CBX1: variants seen among roughly 807,000 people sequenced by gnomAD.
The protein encoded by CBX1 is chromobox 1.
CBX1 carries 10 observed loss-of-function variants against 25.1 expected under a neutral mutation model. That is an observed-to-expected ratio of 0.40 (90% CI 0.25 to 0.68). CBX1 has a LOEUF of 0.68. Among genes scored for constraint, CBX1 ranks in the 30% least tolerant of loss-of-function variants. The pLI is 0.40. For synonymous variants in CBX1, 63 were observed against 79.4 expected, an observed-to-expected ratio of 0.79 and a Z score of 1.10; for missense variants, 106 against 218.5, an observed-to-expected ratio of 0.49 and a Z score of 3.25.
chr17:48,075,976 TA>T, intron 3 of CBX1, 24 bp downstream of exon 3: 2 of 1,519,654 alleles, frequency 1.3e-6, no homozygotes, highest in Non-Finnish European at 1.8e-6. Context: ...TGTGGGCTAG[TA>T]AAAATTCTTA....
In CBX1 at chr17:48,099,180, G is replaced by A. The variant is rs566302479; in HGVS notation, c.-38+2088C>T. ...GCAGTGGTGCAGATCTCGGCTCACTGCAACCTCTGCCTCCCGGGTTCAAGC... is the reference window on the plus strand; with the variant it reads ...GCAGTGGTGCAGATCTCGGCTCACTACAACCTCTGCCTCCCGGGTTCAAGC... On this transcript the variant is annotated intron_variant, in intron 1 of 4. Transcript: ENST00000225603. Among the ~76,000 whole-genome samples, 4 of 151,290 alleles carry A rather than the reference G, an allele frequency of 2.6e-5. No homozygotes were observed. In the South Asian group the frequency reaches 8.4e-4, roughly 32 times the overall value.
chr17:48,083,014 G>C (rs1435334626), intron 1 of CBX1, among the ~76,000 whole-genome samples: 1 of 148,658 alleles, frequency 6.7e-6, no homozygotes, highest in Non-Finnish European at 1.5e-5. Context: ...TTATTGGCAT[G>C]CACCACCATG....
chr17:48,093,258 G>C (rs1223811635), intron 1 of CBX1, among the ~76,000 whole-genome samples: 8 of 147,400 alleles, frequency 5.4e-5, no homozygotes, highest in Non-Finnish European at 1.0e-4. Context: ...CTGGGCAATA[G>C]AGCGAGACTC....
chr17:48,098,519 CAG>C (rs1387081208), intron 1 of CBX1, among the ~76,000 whole-genome samples: 1 of 152,126 alleles, frequency 6.6e-6, no homozygotes, highest in African/African-American at 2.4e-5. Context: ...TTTTTTGAGA[CAG>C]AGTTTCGCTC....
At chr17:48,087,188 CA>C (rs71141963) in intron 1 of CBX1, among the ~76,000 whole-genome samples, 116,363 of 143,840 alleles carry the variant, frequency 0.81, 46,722 homozygotes, top group East Asian at 0.95. Context: ...GACGCCATCT[CA>C]AAAAAAAAAA....
intron 4 of CBX1, among the ~76,000 whole-genome samples, chr17:48,073,839 A>AAAAAAAAAAAAAAAAAAAAAAAAAAAAC (rs2037650108): frequency 6.6e-6 from 1 of 151,394 alleles, no homozygotes; most frequent in Admixed American, 6.6e-5. Flanking sequence ...AAAAAAAAAA[A>AAAAAAAAAAAAAAAAAAAAAAAAAAAAC]AAAAAAGACA....
intron 4 of CBX1, among the ~76,000 whole-genome samples, chr17:48,073,506 T>A (rs1445521295): frequency 6.6e-6 from 1 of 152,184 alleles, no homozygotes; most frequent in Non-Finnish European, 1.5e-5. Flanking sequence ...CTTTGTCTTA[T>A]AATCAAATCC....
Position 48,086,704 on chromosome 17 carries a change from A to G in CBX1, c.-37-9663T>C, listed in dbSNP as rs2063313879. On this transcript the variant is annotated intron_variant, in intron 1 of 4. Coordinates refer to ENST00000225603, the MANE Select transcript of CBX1 (RefSeq NM_001127228.2). The stretch of plus-strand genomic sequence containing the variant: ...AACCCTGTCTCTACTAAAAAATACA[A>G]AAATTAGCTGGGCGTGGTCGTGCAC... Among the ~76,000 whole-genome samples, 2 of 151,980 alleles carry G rather than the reference A, an allele frequency of 1.3e-5. 1 individual carries two copies. The highest frequency in any genetic ancestry group is 4.2e-4 in the South Asian group (2 of 4,818).
rs577945774 is a variant in CBX1, at chr17:48,098,834, T to A, written c.-38+2434A>T. On this transcript the variant is annotated intron_variant, in intron 1 of 4. Coordinates refer to ENST00000225603, the MANE Select transcript of CBX1 (RefSeq NM_001127228.2). ...CACCACTGCAGATAGGATTTTTTTT[T>A]AAAAAAGGGAGGTTTTGCTAGATAA... Among the ~76,000 whole-genome samples the A allele has an allele frequency of 9.3e-4, 142 of 152,156 alleles. 1 individual carries two copies. Among genetic ancestry groups the A allele is most frequent in the East Asian group, 4.4e-3 (23 of 5,188 alleles).
At chr17:48,094,158 G>C (rs1476140263) in intron 1 of CBX1, among the ~76,000 whole-genome samples, 1 of 150,396 alleles carries the variant, frequency 6.6e-6, no homozygotes, top group Non-Finnish European at 1.5e-5. Context: ...GCTTGGTAGG[G>C]CGCAGTGGCT....
chr17:48,100,778 C>T, intron 1 of CBX1: 1 of 985,548 alleles, frequency 1.0e-6, no homozygotes, highest in Non-Finnish European at 1.2e-6. Flanking sequence ...GGGCCCTCTT[C>T]CAATTCACTC....
rs2037613572 is a variant in CBX1 at position 48,070,328 on chromosome 17, A to T, written c.*1107T>A. 6.6e-6 allele frequency: 1 copy of T among 152,642 alleles called. No homozygotes were observed. The highest frequency in any genetic ancestry group is 1.5e-5 in the Non-Finnish European group (1 of 68,040). 9.5% of individuals were successfully genotyped at this position (152,642 alleles called of 1,614,324 possible). Reference sequence around the variant, plus strand: ...AACCACTGCCCAATATGAAAGTTTAATCTTCTCCTGAGACCAAGGCTTTTG... The same window carrying T: ...AACCACTGCCCAATATGAAAGTTTATTCTTCTCCTGAGACCAAGGCTTTTG... On this transcript the variant is annotated 3_prime_UTR_variant, in exon 5 of 5. Transcript: ENST00000225603.
intron 1 of CBX1, among the ~76,000 whole-genome samples, chr17:48,090,101 T>G (rs1266970931): frequency 6.6e-6 from 1 of 151,826 alleles, no homozygotes; most frequent in African/African-American, 2.4e-5. Flanking sequence ...AGATGGAGTT[T>G]CATCATGTTG....
intron 1 of CBX1, among the ~76,000 whole-genome samples, chr17:48,099,216 C>T (rs1214181853): frequency 1.3e-5 from 2 of 152,162 alleles, no homozygotes; most frequent in African/African-American, 2.4e-5. Context: ...GATTCTCCTG[C>T]CTCAGCCTCC....
chr17:48,080,439 C>T (rs545172391), intron 1 of CBX1, among the ~76,000 whole-genome samples: 1 of 152,036 alleles, frequency 6.6e-6, no homozygotes, highest in African/African-American at 2.4e-5. Context: ...CAAAACTGGC[C>T]AAAGAATTAC....
intron 4 of CBX1, 113 bp from the exon 5 acceptor site, chr17:48,071,692 G>A (rs1041967590): frequency 2.3e-6 from 2 of 875,094 alleles, no homozygotes; most frequent in Non-Finnish European, 3.3e-6. Context: ...AATAGGCTAG[G>A]GAACAATGAA....
rs184327787 is a variant in CBX1 at position 48,075,897 on chromosome 17, G to T, written c.318+104C>A. The T allele has an allele frequency of 2.9e-3, 2,415 of 840,606 alleles. 31 individuals are homozygous for T. The highest frequency in any genetic ancestry group is 0.022 in the South Asian group (1,052 of 48,580). 52.1% of individuals were successfully genotyped at this position (840,606 alleles called of 1,614,324 possible). A position where few individuals can be genotyped will look rare whatever the true frequency, so the allele number is the denominator to read the frequency against. On this transcript the variant is annotated intron_variant, in intron 3 of 4. Transcript: ENST00000225603. ...GGCATTAGCCTACCTAAGATTTCAG[G>T]ACTAAGAAGAGACAGCTGCTAATAT...
At chr17:48,078,877 C>T (rs1028711677) in intron 1 of CBX1, among the ~76,000 whole-genome samples, 1 of 149,282 alleles carries the variant, frequency 6.7e-6, no homozygotes, top group African/African-American at 2.5e-5. Flanking sequence ...GCAACCTCTG[C>T]CTCCCGGGTT....
intron 4 of CBX1, among the ~76,000 whole-genome samples, 196 bp from the exon 5 acceptor site, chr17:48,071,775 A>G (rs2037626702): frequency 6.6e-6 from 1 of 152,190 alleles, no homozygotes; most frequent in Non-Finnish European, 1.5e-5. Flanking sequence ...TCCTGTTGAA[A>G]ATTCCCTCTG....
Sources: gnomAD v4.1 joint callset for allele counts (sites outside exome capture counted in the v4.1 genomes callset) on GRCh38, gnomAD v4.1.1 for gene constraint, MANE v1.5 for transcripts, NCBI Gene and HGNC (gene_info 2026-07-23, HGNC 2026-07-21) for gene names.